GBP4: variants seen among roughly 807,000 people sequenced by gnomAD.
GBP4 encodes guanylate binding protein 4.
A neutral mutation model predicts 62.2 loss-of-function variants in GBP4; 69 were observed. That is an observed-to-expected ratio of 1.11 (90% confidence interval 0.91 to 1.36). GBP4 has a LOEUF of 1.36. Among genes scored for constraint, GBP4 ranks in the 40% most tolerant of loss-of-function variants. The pLI is 0.00. For synonymous variants in GBP4, 278 were observed against 274.6 expected (o/e 1.01, Z -0.12); for missense variants, 697 against 759.3 (o/e 0.92, Z 0.96).
At position 89,186,610 on chromosome 1, in the gene GBP4, G is replaced by A. The variant is rs116459933; in HGVS notation, c.1514-84C>T. On this transcript the variant is annotated intron_variant, in intron 9 of 10. Coordinates refer to ENST00000355754, the MANE Select transcript of GBP4 (RefSeq NM_052941.5). ...TCCTGAGCTCAGATCAAACTGACTC[G>A]GAGAAAAGCACAAAGGTGAGGGATT... 1.1e-3 allele frequency: 1,402 copies of A among 1,226,982 alleles called. 7 individuals carry two copies. The African/African-American group carries it at 0.017, about 15-fold the overall frequency. The allele number at this position is 1,226,982 out of a possible 1,614,324, so 76.0% of individuals were successfully genotyped here.
In GBP4 at chr1:89,197,171, A is replaced by C; in HGVS notation, c.174T>G (p.Ile58Met). 1 of 1,614,100 alleles carries C rather than the reference A, an allele frequency of 6.2e-7. No homozygotes were observed. Residue 58 changes from isoleucine to methionine, a missense_variant, in exon 2 of 11, where the codon ATT becomes ATG. Transcript: ENST00000355754. Reference sequence around the variant, plus strand: ...ATTTTCCTGTGCGGTATAGCCCTACAATGGCCACCACCACCACGGGCTGAG... The same window carrying C: ...ATTTTCCTGTGCGGTATAGCCCTACCATGGCCACCACCACCACGGGCTGAG... ...KISQPVVVVA[I>M]VGLYRTGKSY...
At chr1:89,186,598 T>G in intron 9 of GBP4, 72 bp from the exon 10 acceptor site, 1 of 1,345,136 alleles carries the variant, frequency 7.4e-7, no homozygotes, top group Non-Finnish European at 1.0e-6. Flanking sequence ...TGAGCTCAGA[T>G]CAAACTGACT....
intron 7 of GBP4, 61 bp downstream of exon 7, chr1:89,189,977 G>A (rs1648135957): frequency 6.6e-7 from 1 of 1,509,266 alleles, no homozygotes; most frequent in Non-Finnish European, 9.0e-7. Context: ...GGGTCAAAAA[G>A]CTACACTTTA....
intron 5 of GBP4, 58 bp downstream of exon 5, chr1:89,192,846 G>C (rs1472840290): frequency 3.3e-6 from 5 of 1,515,528 alleles, no homozygotes; most frequent in Non-Finnish European, 4.5e-6. Context: ...TGAATAGCAG[G>C]TCTTAGTTGA....
rs181378094 is a variant in GBP4 at position 89,182,753 on chromosome 1, T to C, written c.*2501A>G. 1 of 152,452 alleles carries C rather than the reference T, an allele frequency of 6.6e-6. No homozygotes were observed. The highest frequency in any genetic ancestry group is 2.4e-5 in the African/African-American group (1 of 41,574). The allele number at this position is 152,452 out of a possible 1,614,324, so 9.4% of individuals were successfully genotyped here. Reference sequence around the variant, plus strand: ...TCTCGGCCTCCCAAAGTGCTGGGATTACAGGCAATGAGTTGATTTTTAACT... The same window carrying C: ...TCTCGGCCTCCCAAAGTGCTGGGATCACAGGCAATGAGTTGATTTTTAACT... On this transcript the variant is annotated 3_prime_UTR_variant, in exon 11 of 11. Transcript: ENST00000355754.
intron 8 of GBP4, among the ~76,000 whole-genome samples, 161 bp from the exon 9 acceptor site, chr1:89,187,263 G>A (rs951845469): frequency 6.6e-6 from 1 of 152,112 alleles, no homozygotes; most frequent in African/African-American, 2.4e-5. Flanking sequence ...AGAAGTCCAA[G>A]CTCTTTGTTA....
Position 89,190,311 on chromosome 1 carries a change from C to T in GBP4, c.924G>A (p.Gly308=), listed in dbSNP as rs1410871. The T allele has an allele frequency of 0.039, 62,852 of 1,598,486 alleles. 3,863 individuals are homozygous for T. The highest frequency in any genetic ancestry group is 0.29 in the African/African-American group (21,472 of 74,566). ...CATCTACATAAGTCACCACCAGAGT[C>T]CCCAGCCCTGAATCACATATATTTA... The part of the protein sequence containing the change: ...EGIIVTGKRL[G]TLVVTYVDAI... The change falls in exon 7 of 11, where the codon GGG becomes GGA. Residue 308 remains glycine, a synonymous_variant. Transcript: ENST00000355754.
In GBP4 at chr1:89,191,369, C is replaced by T; in HGVS notation, c.808G>A (p.Glu270Lys). The T allele has an allele frequency of 6.2e-7, 1 of 1,614,200 alleles. No individual in the cohort carries two copies. Among genetic ancestry groups the T allele is most frequent in the Non-Finnish European group, 8.5e-7 (1 of 1,180,026 alleles). Residue 270 changes from glutamate to lysine, a missense_variant, in exon 6 of 11, where the codon GAA becomes AAA. Coordinates refer to ENST00000355754, the MANE Select transcript of GBP4 (RefSeq NM_052941.5). ...ATAAGGAAATGCCTTTCCAGATTTT[C>T]TTCTGGCACTTCGTCCATATGATTT... ...YLNHMDEVPE[E>K]NLERHFLMQS...
rs572132421 is a variant in GBP4, at chr1:89,191,610, G to C, written c.671-104C>G. On this transcript the variant is annotated intron_variant, in intron 5 of 10. Coordinates refer to ENST00000355754, the MANE Select transcript of GBP4 (RefSeq NM_052941.5). ...TGCATCCCTGCAGCTCCCCTGCCTT[G>C]TAAATCTTGTTTTATGCAATCATAC... 944 of 1,156,828 alleles carry C rather than the reference G, an allele frequency of 8.2e-4. 4 individuals are homozygous for C. The highest frequency in any genetic ancestry group is 9.9e-4 in the Non-Finnish European group (816 of 826,950). The allele number at this position is 1,156,828 out of a possible 1,614,324, so 71.7% of individuals were successfully genotyped here. A position where few individuals can be genotyped will look rare whatever the true frequency, so the allele number is the denominator to read the frequency against.
chr1:89,186,049 A>G (rs182345065), intron 10 of GBP4, among the ~76,000 whole-genome samples: 11 of 152,236 alleles, frequency 7.2e-5, no homozygotes, highest in Non-Finnish European at 1.5e-5. Context: ...CTAAGGTCCT[A>G]TTTCATTGGG....
chr1:89,192,901 T>C lies in GBP4; in HGVS notation c.670+3A>G, dbSNP rs374871857. On this transcript the variant is annotated splice_donor_region_variant and intron_variant, in intron 5 of 10. Transcript: ENST00000355754. Reference sequence around the variant, plus strand: ...TTCCCACATCCAGGCCATGCTCTGATACCTGGAATCAGCTTCAAGGCATTC... The same window carrying C: ...TTCCCACATCCAGGCCATGCTCTGACACCTGGAATCAGCTTCAAGGCATTC... 1 of 1,613,198 alleles carries C rather than the reference T, an allele frequency of 6.2e-7. No homozygotes were observed. The highest frequency in any genetic ancestry group is 1.1e-5 in the South Asian group (1 of 91,028).
rs1648140116 is a variant in GBP4 at position 89,190,114 on chromosome 1, C to A, written c.1121G>T (p.Cys374Phe). 1 of 1,614,192 alleles carries A rather than the reference C, an allele frequency of 6.2e-7. No homozygotes were observed. Among genetic ancestry groups the A allele is most frequent in the Non-Finnish European group, 8.5e-7 (1 of 1,180,022 alleles). The change falls in exon 7 of 11, where the codon TGT becomes TTT. Residue 374 changes from cysteine (C) to phenylalanine (F), a missense_variant. Around this residue, in one of 2 missense-constraint regions of GBP4, gnomAD observed 556 missense variants for 562.7 expected, o/e 0.99. Transcript: ENST00000355754. ...GAAGACTGCAATGGCTTCCCTCTCA[C>A]AGGCTGCATGCACGTCCAGCAGCTC... ...LQELLDVHAACEREAIAVFME... is the reference protein window; with the variant it reads ...LQELLDVHAAFEREAIAVFME...
chr1:89,186,322 C>G lies in GBP4; in HGVS notation c.1707+11G>C. Reference sequence around the variant, plus strand: ...GTCCCTCAGGCACTGCCATTCTTCACGGAGACTCACCTTCAGCTTGTGTTT... The same window carrying G: ...GTCCCTCAGGCACTGCCATTCTTCAGGGAGACTCACCTTCAGCTTGTGTTT... On this transcript the variant is annotated intron_variant, in intron 10 of 10. Coordinates refer to ENST00000355754, the MANE Select transcript of GBP4 (RefSeq NM_052941.5). The G allele has an allele frequency of 6.2e-7, 1 of 1,610,352 alleles. No individual in the cohort carries two copies. Among genetic ancestry groups the G allele is most frequent in the Non-Finnish European group, 8.5e-7 (1 of 1,177,242 alleles).
rs928540528 is a variant in GBP4 at position 89,190,281 on chromosome 1, G to T, written c.954C>A (p.Ile318=). 8.1e-6 allele frequency: 13 copies of T among 1,613,558 alleles called. No homozygotes were observed. The highest frequency in any genetic ancestry group is 1.1e-5 in the Non-Finnish European group (13 of 1,179,702). The stretch of plus-strand genomic sequence containing the variant: ...CCAGACAAGGTACTGCTCCACTGTT[G>T]ATGGCATCTACATAAGTCACCACCA... ...GTLVVTYVDA[I]NSGAVPCLEN... The change falls in exon 7 of 11, where the codon ATC becomes ATA. Residue 318 remains isoleucine, a synonymous_variant. Coordinates refer to ENST00000355754, the MANE Select transcript of GBP4 (RefSeq NM_052941.5).
In GBP4 at chr1:89,197,183, C is replaced by A. The variant is rs1399179231; in HGVS notation, c.162G>T (p.Val54=). The A allele has an allele frequency of 6.2e-7, 1 of 1,614,116 alleles. No individual in the cohort carries two copies. Among genetic ancestry groups the A allele is most frequent in the East Asian group, 2.2e-5 (1 of 44,878 alleles). The change falls in exon 2 of 11, where the codon GTG becomes GTT. Residue 54 remains valine (V), a synonymous_variant. Coordinates refer to ENST00000355754, the MANE Select transcript of GBP4 (RefSeq NM_052941.5). ...GGTATAGCCCTACAATGGCCACCAC[C>A]ACCACGGGCTGAGAAATCTTGTCAA... ...EILDKISQPV[V]VVAIVGLYRT... is the part of the protein sequence containing the mutation.
chr1:89,189,236 C>A (rs1463663592), intron 7 of GBP4, among the ~76,000 whole-genome samples: 1 of 152,154 alleles, frequency 6.6e-6, no homozygotes, highest in Non-Finnish European at 1.5e-5. Flanking sequence ...CTGTGTATTT[C>A]TTCAATGAGA....
chr1:89,197,153 T>G lies in GBP4; in HGVS notation c.192A>C (p.Thr64=). The change falls in exon 2 of 11, where the codon ACA becomes ACC. Residue 64 remains threonine (T), a synonymous_variant. Coordinates refer to ENST00000355754, the MANE Select transcript of GBP4 (RefSeq NM_052941.5). ...VVVAIVGLYR[T]GKSYLMNRLA... is the part of the protein sequence containing the mutation. Reference sequence around the variant, plus strand: ...GACGATTCATGAGATAGGATTTTCCTGTGCGGTATAGCCCTACAATGGCCA... The same window carrying G: ...GACGATTCATGAGATAGGATTTTCCGGTGCGGTATAGCCCTACAATGGCCA... 1 of 1,614,004 alleles carries G rather than the reference T, an allele frequency of 6.2e-7. No individual in the cohort carries two copies. The highest frequency in any genetic ancestry group is 8.5e-7 in the Non-Finnish European group (1 of 1,179,898).
chr1:89,191,143 C>T, intron 6 of GBP4, 118 bp downstream of exon 6: 1 of 1,193,604 alleles, frequency 8.4e-7, no homozygotes, highest in Non-Finnish European at 1.2e-6. Flanking sequence ...CAATGAACAT[C>T]TCCTTCTCTG....
chr1:89,196,105 A>T (rs535392641), intron 2 of GBP4, among the ~76,000 whole-genome samples: 1 of 152,204 alleles, frequency 6.6e-6, no homozygotes, highest in Non-Finnish European at 1.5e-5. Context: ...GATTTTGTAC[A>T]TGTGCACCAG....
Sources: gnomAD v4.1 joint callset for allele counts (sites outside exome capture counted in the v4.1 genomes callset) on GRCh38, gnomAD v4.1.1 for gene constraint, gnomAD v4.1.1 regional missense constraint, MANE v1.5 for transcripts, NCBI Gene and HGNC (gene_info 2026-07-23, HGNC 2026-07-21) for gene names.